TPST1: variants seen among roughly 807,000 people sequenced by gnomAD.
TPST1 encodes the protein tyrosylprotein sulfotransferase 1.
Under a neutral mutation model 34.8 loss-of-function variants are expected in TPST1, and 20 were observed. The observed-to-expected ratio is 0.57, with a 90% CI of 0.40 to 0.84. The LOEUF is 0.84. TPST1 is among the 40% of genes least tolerant of loss of function. The pLI is 0.00. For synonymous variants in TPST1, 152 were observed against 159.4 expected (o/e 0.95, Z 0.35); for missense variants, 353 against 455.5 (o/e 0.78, Z 2.05).
At chr7:66,342,684 G>C (rs921445752) in intron 3 of TPST1, among the ~76,000 whole-genome samples, 1 of 152,172 alleles carries the variant, frequency 6.6e-6, no homozygotes, top group African/African-American at 2.4e-5. Flanking sequence ...AAGGGGAACA[G>C]GCACAGCACA....
intron 2 of TPST1, among the ~76,000 whole-genome samples, chr7:66,266,750 A>G (rs1790600763): frequency 6.6e-6 from 1 of 152,246 alleles, no homozygotes; most frequent in South Asian, 2.1e-4. Flanking sequence ...GCTCAGAAAT[A>G]TACTAAGTGT....
chr7:66,352,828 G>A (rs1792509145), intron 4 of TPST1: 3 of 985,426 alleles, frequency 3.0e-6, no homozygotes, highest in Non-Finnish European at 3.6e-6. Context: ...ATTGCTTGAG[G>A]TCCTGCACAA....
At chr7:66,278,100 CAAAAAAAAA>C (rs35654351) in intron 2 of TPST1, among the ~76,000 whole-genome samples, 13 of 50,248 alleles carry the variant, frequency 2.6e-4, no homozygotes, top group East Asian at 8.3e-4. Context: ...GACTCCATCT[CAAAAAAAAA>C]AAAAAAAAAA....
At chr7:66,357,649 TC>T (rs1332889807) in intron 5 of TPST1, among the ~76,000 whole-genome samples, 8 of 152,194 alleles carry the variant, frequency 5.3e-5, no homozygotes, top group Non-Finnish European at 1.0e-4. Flanking sequence ...AGCCCAGATC[TC>T]CAGGTGCAGC....
chr7:66,304,975 A>T (rs116586766), intron 3 of TPST1, among the ~76,000 whole-genome samples: 1,900 of 151,808 alleles, frequency 0.013, 38 homozygotes, highest in African/African-American at 0.043. Context: ...ACCTAGCTAA[A>T]TTTTTTTTAT....
At chr7:66,300,843 G>A (rs1791300677) in intron 3 of TPST1, among the ~76,000 whole-genome samples, 1 of 152,104 alleles carries the variant, frequency 6.6e-6, no homozygotes, top group African/African-American at 2.4e-5. Context: ...CCACTCAAGA[G>A]GCTGAGGCAA....
intron 3 of TPST1, among the ~76,000 whole-genome samples, chr7:66,349,831 CAAAACAAATAAAACATTCTAGT>C (rs1438979282): frequency 6.6e-6 from 1 of 152,072 alleles, no homozygotes; most frequent in Non-Finnish European, 1.5e-5. Context: ...ACAAAAAACC[CAAAACAAATAAAACATTCTAGT>C]AGCTTCAGCC....
chr7:66,302,834 C>T (rs1791344477), intron 3 of TPST1, among the ~76,000 whole-genome samples: 1 of 152,208 alleles, frequency 6.6e-6, no homozygotes, highest in African/African-American at 2.4e-5. Context: ...TTGGGATCAG[C>T]TGCATTCAAA....
intron 3 of TPST1, among the ~76,000 whole-genome samples, chr7:66,331,375 A>G (rs868679390): frequency 1.8e-4 from 28 of 152,336 alleles, no homozygotes; most frequent in African/African-American, 6.5e-4. Context: ...GATTAATCCA[A>G]GTACAGAATT....
At chr7:66,219,191 C>T (rs1789489789) in intron 1 of TPST1, among the ~76,000 whole-genome samples, 1 of 152,040 alleles carries the variant, frequency 6.6e-6, no homozygotes, top group African/African-American at 2.4e-5. Flanking sequence ...AGCCACTGCA[C>T]CTGGCCATAG....
intron 1 of TPST1, among the ~76,000 whole-genome samples, chr7:66,238,409 T>C (rs1355179486): frequency 2.5e-5 from 2 of 79,586 alleles, no homozygotes; most frequent in Non-Finnish European, 6.3e-5. Context: ...CAGCACTGGC[T>C]TTTTTTTTTT....
chr7:66,307,102 C>T (rs183536558), intron 3 of TPST1, among the ~76,000 whole-genome samples: 1 of 151,872 alleles, frequency 6.6e-6, no homozygotes, highest in African/African-American at 2.4e-5. Flanking sequence ...GGTGGCTTAA[C>T]CTCACCATAA....
Position 66,286,502 on chromosome 7 carries a change from T to C in TPST1, c.846-9T>C, listed in dbSNP as rs763613246. ...AAATAAATATTTATTCATATTATGT[T>C]GTTTTCAGAGTGGAGAGATCTACAG... On this transcript the variant is annotated splice_polypyrimidine_tract_variant and intron_variant, in intron 2 of 5. Coordinates refer to ENST00000304842, the MANE Select transcript of TPST1 (RefSeq NM_003596.4). The C allele has an allele frequency of 1.0e-5, 16 of 1,547,716 alleles. No individual in the cohort carries two copies. The highest frequency in any genetic ancestry group is 1.4e-5 in the Non-Finnish European group (16 of 1,147,852).
chr7:66,263,456 A>G (rs190320294), intron 2 of TPST1, among the ~76,000 whole-genome samples: 20 of 152,308 alleles, frequency 1.3e-4, no homozygotes, highest in Admixed American at 1.3e-3. Context: ...TATTCTGCTT[A>G]TCACTATAGA....
At chr7:66,251,178 T>C (rs1790254639) in intron 2 of TPST1, among the ~76,000 whole-genome samples, 1 of 152,196 alleles carries the variant, frequency 6.6e-6, no homozygotes, top group African/African-American at 2.4e-5. Flanking sequence ...TTAGAATGAC[T>C]ATAAAGCCCT....
chr7:66,210,356 G>C (rs1789217943), intron 1 of TPST1, among the ~76,000 whole-genome samples: 1 of 152,252 alleles, frequency 6.6e-6, no homozygotes, highest in African/African-American at 2.4e-5. Context: ...TGGCCCTAAA[G>C]ATGGAGATAT....
At chr7:66,241,389 C>G in intron 2 of TPST1, 119 bp downstream of exon 2, 1 of 1,227,844 alleles carries the variant, frequency 8.1e-7, no homozygotes, top group Non-Finnish European at 1.1e-6. Context: ...TATATAGAAA[C>G]TGAAGACCTT....
intron 3 of TPST1, among the ~76,000 whole-genome samples, chr7:66,320,577 T>C (rs979237104): frequency 8.0e-5 from 12 of 150,494 alleles, no homozygotes; most frequent in African/African-American, 2.4e-4. Context: ...TTTTGTAAGA[T>C]TCATGTTTTT....
At chr7:66,206,284 C>T (rs191989938) in intron 1 of TPST1, among the ~76,000 whole-genome samples, 91 of 152,148 alleles carry the variant, frequency 6.0e-4, no homozygotes, top group African/African-American at 2.0e-3. Context: ...TATCTTCATT[C>T]GTCCTTACAT....
Sources: allele counts gnomAD v4.1 joint callset (sites outside exome capture counted in the v4.1 genomes callset), GRCh38; gene constraint gnomAD v4.1.1; transcripts MANE v1.5; gene names NCBI Gene and HGNC (gene_info 2026-07-23, HGNC 2026-07-21).